The following KIRREL3 variants were observed in gnomAD, a reference collection of about 807,000 sequenced individuals.
KIRREL3 encodes the protein kirre like nephrin family adhesion molecule 3.
KIRREL3 carries 36 observed loss-of-function variants against 89.7 expected under a neutral mutation model. That is an observed-to-expected ratio of 0.40 (90% CI 0.31 to 0.53). The LOEUF (loss-of-function observed/expected upper bound fraction) is 0.53, where lower values mean the gene tolerates loss of function less well. KIRREL3 is among the 20% of genes least tolerant of loss of function. The pLI, the probability that KIRREL3 is intolerant of heterozygous loss-of-function variation, is 0.49. For synonymous variants in KIRREL3, 445 were observed against 441.4 expected (o/e 1.01, Z -0.10); for missense variants, 864 against 1,056.6 (o/e 0.82, Z 2.53).
chr11:126,938,955 G>C (rs1948319751), intron 1 of KIRREL3, among the ~76,000 whole-genome samples: 1 of 152,136 alleles, frequency 6.6e-6, no homozygotes. Flanking sequence ...GGAGTCTCTA[G>C]GTAGAGGGTA....
chr11:126,688,661 G>T (rs1946757452), intron 1 of KIRREL3, among the ~76,000 whole-genome samples: 1 of 152,168 alleles, frequency 6.6e-6, no homozygotes, highest in African/African-American at 2.4e-5. Flanking sequence ...ATAAAAGGAG[G>T]AATTGTTACT....
At chr11:126,483,075 C>T (rs1269607615) in intron 4 of KIRREL3, among the ~76,000 whole-genome samples, 2 of 152,266 alleles carry the variant, frequency 1.3e-5, no homozygotes, top group Non-Finnish European at 2.9e-5. Flanking sequence ...TTTGACCCAT[C>T]TCCCCTGAAA....
intron 1 of KIRREL3, among the ~76,000 whole-genome samples, chr11:126,847,587 G>A (rs907490919): frequency 6.6e-6 from 1 of 152,132 alleles, no homozygotes; most frequent in East Asian, 1.9e-4. Flanking sequence ...GAGCTGAAAT[G>A]TTCATGAACA....
chr11:126,698,205 CT>C (rs1260885638), intron 1 of KIRREL3, among the ~76,000 whole-genome samples: 1 of 152,212 alleles, frequency 6.6e-6, no homozygotes, highest in Non-Finnish European at 1.5e-5. Flanking sequence ...ACCATTCCAT[CT>C]GTCTATCAGC....
chr11:126,911,563 G>T (rs1050935955), intron 1 of KIRREL3, among the ~76,000 whole-genome samples: 5 of 152,090 alleles, frequency 3.3e-5, no homozygotes, highest in African/African-American at 9.7e-5. Flanking sequence ...CTCTCTCCCC[G>T]CAGCAGTAAT....
intron 2 of KIRREL3, among the ~76,000 whole-genome samples, chr11:126,548,815 G>A (rs1195720933): frequency 6.6e-6 from 1 of 152,156 alleles, no homozygotes; most frequent in African/African-American, 2.4e-5. Context: ...TGTCAATCAA[G>A]GCAATGACGT....
chr11:126,698,246 C>G (rs552309976), intron 1 of KIRREL3, among the ~76,000 whole-genome samples: 2 of 152,166 alleles, frequency 1.3e-5, no homozygotes, highest in Non-Finnish European at 2.9e-5. Flanking sequence ...ACTGCTACCA[C>G]GTTCTCATGC....
chr11:126,792,971 G>C (rs1950693074), intron 1 of KIRREL3, among the ~76,000 whole-genome samples: 1 of 152,270 alleles, frequency 6.6e-6, no homozygotes, highest in East Asian at 1.9e-4. Flanking sequence ...CTTCTATTGG[G>C]GGGTTCACAG....
Position 126,521,045 on chromosome 11 carries a change from C to T in KIRREL3, c.433+270G>A, listed in dbSNP as rs1958569647. Among the ~76,000 whole-genome samples the T allele has an allele frequency of 6.6e-6, 1 of 152,228 alleles. No individual in the cohort carries two copies. Among genetic ancestry groups the T allele is most frequent in the Admixed American group, 6.5e-5 (1 of 15,288 alleles). ...TGGAATAAATAAGCATGTAGGAGCCCTCATTAGCTGCCTAAGGCACCATCA... is the reference window on the plus strand; with the variant it reads ...TGGAATAAATAAGCATGTAGGAGCCTTCATTAGCTGCCTAAGGCACCATCA... On this transcript the variant is annotated intron_variant, in intron 4 of 16. Coordinates refer to ENST00000525144, the MANE Select transcript of KIRREL3 (RefSeq NM_032531.4). The surrounding 1 kb of genome is among the most constrained non-coding windows in gnomAD (Gnocchi z 4.1).
chr11:126,850,636 G>A (rs1944309588), intron 1 of KIRREL3, among the ~76,000 whole-genome samples: 1 of 152,202 alleles, frequency 6.6e-6, no homozygotes, highest in Non-Finnish European at 1.5e-5. Context: ...AGAGTGAGTG[G>A]CAGCCATCTT....
rs986814883 is a variant in KIRREL3 at position 126,778,482 on chromosome 11, A to T, written c.56-215570T>A. 6.6e-6 allele frequency among the ~76,000 whole-genome samples: 1 copy of T among 152,236 alleles called. No homozygotes were observed. ...CTGTGAGGTTGTGCTATAATGTATT[A>T]AGCCAATCCTCAATTGTTGGAATTT... On this transcript the variant is annotated intron_variant, in intron 1 of 16. Coordinates refer to ENST00000525144, the MANE Select transcript of KIRREL3 (RefSeq NM_032531.4). This position sits in a 1 kb window ranked among gnomAD's most constrained non-coding sequence, Gnocchi z 4.5.
chr11:126,535,402 G>A lies in KIRREL3; in HGVS notation c.134-8715C>T, dbSNP rs1937769696. On this transcript the variant is annotated intron_variant, in intron 2 of 16. Coordinates refer to ENST00000525144, the MANE Select transcript of KIRREL3 (RefSeq NM_032531.4). This position sits in a 1 kb window ranked among gnomAD's most constrained non-coding sequence, Gnocchi z 4.5. ...TCCAGTGAAACATTGAAATGCAGAA[G>A]ACCCCATGTTTCTCTATGACTTGCA... Among the ~76,000 whole-genome samples, 1 of 152,164 alleles carries A rather than the reference G, an allele frequency of 6.6e-6. No homozygotes were observed. Among genetic ancestry groups the A allele is most frequent in the South Asian group, 2.1e-4 (1 of 4,818 alleles).
chr11:126,533,897 C>T (rs1482283334), intron 2 of KIRREL3, among the ~76,000 whole-genome samples: 1 of 152,204 alleles, frequency 6.6e-6, no homozygotes, highest in African/African-American at 2.4e-5. Flanking sequence ...ACCTTCTTCT[C>T]TCAAAGCCAC....
chr11:126,661,715 G>A (rs1565629154), intron 1 of KIRREL3, among the ~76,000 whole-genome samples: 2 of 152,166 alleles, frequency 1.3e-5, no homozygotes, highest in Non-Finnish European at 2.9e-5. Context: ...ATCACCTGAG[G>A]GAGCTAGAAA....
Position 126,597,332 on chromosome 11 carries a change from C to T in KIRREL3, c.56-34420G>A, listed in dbSNP as rs371155858. 3.3e-5 allele frequency among the ~76,000 whole-genome samples: 5 copies of T among 152,372 alleles called. No homozygotes were observed. The South Asian group carries it at 1.0e-3, about 32-fold the overall frequency. On this transcript the variant is annotated intron_variant, in intron 1 of 16. Coordinates refer to ENST00000525144, the MANE Select transcript of KIRREL3 (RefSeq NM_032531.4). ...CTGCAAGCTGACAAGGCTGAGTTCACATCAGTGCTGAGGAGTCGACAGGAC... is the reference window on the plus strand; with the variant it reads ...CTGCAAGCTGACAAGGCTGAGTTCATATCAGTGCTGAGGAGTCGACAGGAC...
chr11:126,737,528 T>C (rs1948843802), intron 1 of KIRREL3, among the ~76,000 whole-genome samples: 1 of 152,234 alleles, frequency 6.6e-6, no homozygotes, highest in Non-Finnish European at 1.5e-5. Context: ...TCTGGGCAAA[T>C]CTGCAGCAGC....
At chr11:126,514,869 A>AACACAACAC (rs1565514715) in intron 4 of KIRREL3, among the ~76,000 whole-genome samples, 158 of 76,656 alleles carry the variant, frequency 2.1e-3, no homozygotes, top group African/African-American at 4.7e-3. Context: ...CAACACAACA[A>AACACAACAC]AACACAATTG....
At chr11:126,732,988 G>A (rs1948683354) in intron 1 of KIRREL3, among the ~76,000 whole-genome samples, 1 of 152,252 alleles carries the variant, frequency 6.6e-6, no homozygotes, top group Non-Finnish European at 1.5e-5. Context: ...GTGGAAGGAG[G>A]AAGATTGGTT....
intron 1 of KIRREL3, among the ~76,000 whole-genome samples, chr11:126,874,604 GCAAA>G (rs1307400943): frequency 6.6e-5 from 10 of 152,208 alleles, no homozygotes; most frequent in Non-Finnish European, 1.3e-4. Flanking sequence ...CTGCATGATG[GCAAA>G]CAAACAGTTT....
Sources: allele counts gnomAD v4.1 joint callset (sites outside exome capture counted in the v4.1 genomes callset), GRCh38; gene constraint gnomAD v4.1.1; non-coding constraint Gnocchi (gnomAD v3.1); transcripts MANE v1.5; gene names NCBI Gene and HGNC (gene_info 2026-07-23, HGNC 2026-07-21).